Variants in SLX4IP observed in about 807,000 individuals in gnomAD.
SLX4IP encodes SLX4 interacting protein.
In SLX4IP, 34 loss-of-function variants were observed where a neutral mutation model predicts 32.9. That is an observed-to-expected ratio of 1.03 (90% CI 0.79 to 1.38). The LOEUF (loss-of-function observed/expected upper bound fraction) is 1.38, where lower values mean the gene tolerates loss of function less well. Ranked by LOEUF, SLX4IP falls within the 40% of genes most tolerant of loss-of-function variation. The probability of loss-of-function intolerance (pLI) is 0.00; values close to 1 mark genes in which losing one functional copy is unlikely to be tolerated. For synonymous variants in SLX4IP, 172 were observed against 171.7 expected, an observed-to-expected ratio of 1.00 and a Z score of -0.01; for missense variants, 444 against 479.0, an observed-to-expected ratio of 0.93 and a Z score of 0.68.
chr20:10,620,349 A>G (rs1301935989), intron 6 of SLX4IP, among the ~76,000 whole-genome samples: 2 of 152,202 alleles, frequency 1.3e-5, no homozygotes, highest in Non-Finnish European at 2.9e-5. Flanking sequence ...AGGCTTTTAC[A>G]TTTTATAATT....
intron 2 of SLX4IP, among the ~76,000 whole-genome samples, chr20:10,553,813 T>C (rs1253007717): frequency 1.3e-5 from 2 of 152,210 alleles, no homozygotes; most frequent in Non-Finnish European, 2.9e-5. Flanking sequence ...TGCAACACAC[T>C]AAACTGTAAC....
Position 10,569,352 on chromosome 20 carries a change from A to AT in SLX4IP, c.238+8537dup, listed in dbSNP as rs2066434587. On this transcript the variant is annotated intron_variant, in intron 4 of 7. Coordinates refer to ENST00000334534, the MANE Select transcript of SLX4IP (RefSeq NM_001009608.3). The stretch of plus-strand genomic sequence containing the variant: ...AGGTGCGTGCCACCACACCCAGCTA[A>AT]TTTTTATATTTTTAGTAGAGATGGG... Among the ~76,000 whole-genome samples the AT allele has an allele frequency of 2.0e-5, 3 of 152,004 alleles. No homozygotes were observed. In the South Asian group the frequency reaches 6.2e-4, roughly 32 times the overall value.
intron 2 of SLX4IP, among the ~76,000 whole-genome samples, chr20:10,463,717 T>C (rs11697131): frequency 0.49 from 74,905 of 152,064 alleles, 19,936 homozygotes; most frequent in Non-Finnish European, 0.6. Flanking sequence ...CAACCCTCAG[T>C]TCTCAGTAAA....
At chr20:10,436,272 G>A (rs1362122715) in intron 1 of SLX4IP, among the ~76,000 whole-genome samples, 1 of 152,176 alleles carries the variant, frequency 6.6e-6, no homozygotes, top group Non-Finnish European at 1.5e-5. Context: ...CCCCAGAGCT[G>A]CTGAATCAGA....
chr20:10,586,093 C>T (rs929924406), intron 4 of SLX4IP, among the ~76,000 whole-genome samples: 1 of 152,186 alleles, frequency 6.6e-6, no homozygotes, highest in Non-Finnish European at 1.5e-5. Flanking sequence ...GACAACCAAG[C>T]CTGTCTCTGA....
intron 2 of SLX4IP, among the ~76,000 whole-genome samples, chr20:10,536,887 T>G (rs965749901): frequency 2.6e-5 from 4 of 152,218 alleles, no homozygotes; most frequent in Non-Finnish European, 5.9e-5. Context: ...TTTCCCACAG[T>G]TGGGCCACTT....
chr20:10,509,244 A>G (rs181328758), intron 2 of SLX4IP, among the ~76,000 whole-genome samples: 58 of 152,284 alleles, frequency 3.8e-4, no homozygotes, highest in African/African-American at 6.7e-4. Flanking sequence ...GGGTCTTTCA[A>G]TTATTTCTGT....
intron 2 of SLX4IP, among the ~76,000 whole-genome samples, chr20:10,536,597 G>T (rs187182322): frequency 3.4e-4 from 52 of 152,304 alleles, no homozygotes; most frequent in African/African-American, 1.1e-3. Context: ...TACCTTGGCT[G>T]CAGGTAACTT....
intron 2 of SLX4IP, among the ~76,000 whole-genome samples, chr20:10,487,216 T>C (rs763781097): frequency 3.9e-5 from 6 of 152,224 alleles, no homozygotes; most frequent in African/African-American, 9.6e-5. Flanking sequence ...GGAACTGTGA[T>C]ACTTGTTAGA....
intron 2 of SLX4IP, among the ~76,000 whole-genome samples, chr20:10,486,202 T>TA (rs2065572343): frequency 6.9e-6 from 1 of 145,452 alleles, no homozygotes; most frequent in African/African-American, 2.5e-5. Context: ...TTTTTTTTTT[T>TA]ACTAGGTAGG....
At chr20:10,521,397 C>T (rs2065899953) in intron 2 of SLX4IP, among the ~76,000 whole-genome samples, 2 of 152,124 alleles carry the variant, frequency 1.3e-5, no homozygotes, top group African/African-American at 2.4e-5. Flanking sequence ...CTTTTAGGAG[C>T]TCCCATCACC....
At chr20:10,512,035 A>G (rs758233595) in intron 2 of SLX4IP, among the ~76,000 whole-genome samples, 14 of 152,212 alleles carry the variant, frequency 9.2e-5, no homozygotes, top group Non-Finnish European at 1.9e-4. Flanking sequence ...TGAGTCTAGA[A>G]CAGGGGTTGG....
chr20:10,535,565 ACCT>A (rs1458098980), intron 2 of SLX4IP, among the ~76,000 whole-genome samples: 2 of 151,932 alleles, frequency 1.3e-5, no homozygotes, highest in African/African-American at 4.8e-5. Flanking sequence ...CAGGTGATCC[ACCT>A]CCTCGGCCTC....
rs1239116831 is a variant in SLX4IP at position 10,623,415 on chromosome 20, T to C, written c.*36T>C. 1 of 1,563,514 alleles carries C rather than the reference T, an allele frequency of 6.4e-7. No homozygotes were observed. The highest frequency in any genetic ancestry group is 8.6e-7 in the Non-Finnish European group (1 of 1,158,124). ...GTTTGTACCGTTGGAGTTGAGGACATAGTGGCCAAACCTGTGACAAGAGAG... is the reference window on the plus strand; with the variant it reads ...GTTTGTACCGTTGGAGTTGAGGACACAGTGGCCAAACCTGTGACAAGAGAG... On this transcript the variant is annotated 3_prime_UTR_variant, in exon 8 of 8. Transcript: ENST00000334534.
At position 10,580,822 on chromosome 20, in the gene SLX4IP, A is replaced by T. The variant is rs533766768; in HGVS notation, c.239-17853A>T. On this transcript the variant is annotated intron_variant, in intron 4 of 7. Transcript: ENST00000334534. ...CTCCTCTACTGAAATCATTTTCAAGATTAAGAAAGAGTAAAATCCCTTTTT... is the reference window on the plus strand; with the variant it reads ...CTCCTCTACTGAAATCATTTTCAAGTTTAAGAAAGAGTAAAATCCCTTTTT... Among the ~76,000 whole-genome samples, 3 of 152,254 alleles carry T rather than the reference A, an allele frequency of 2.0e-5. No homozygotes were observed. The South Asian group carries it at 6.2e-4, about 32-fold the overall frequency.
At chr20:10,508,361 T>C (rs1211003114) in intron 2 of SLX4IP, among the ~76,000 whole-genome samples, 1 of 152,236 alleles carries the variant, frequency 6.6e-6, no homozygotes, top group African/African-American at 2.4e-5. Context: ...CTGGGTCAGT[T>C]TGTCCTTGCC....
chr20:10,515,360 C>T (rs2065841304), intron 2 of SLX4IP, among the ~76,000 whole-genome samples: 1 of 152,182 alleles, frequency 6.6e-6, no homozygotes, highest in African/African-American at 2.4e-5. Flanking sequence ...GCTGGGATTA[C>T]AGGCATGAGC....
intron 2 of SLX4IP, among the ~76,000 whole-genome samples, chr20:10,552,488 AC>A (rs2066227410): frequency 6.6e-6 from 1 of 151,458 alleles, no homozygotes; most frequent in East Asian, 1.9e-4. Flanking sequence ...AAGGCAGAAT[AC>A]CTCTGCCTAG....
At chr20:10,536,450 G>A (rs1236787033) in intron 2 of SLX4IP, among the ~76,000 whole-genome samples, 3 of 152,074 alleles carry the variant, frequency 2.0e-5, no homozygotes, top group Admixed American at 1.3e-4. Context: ...ATATTGCAAC[G>A]GTTTGATCTC....
Sources: gnomAD v4.1 joint callset for allele counts (sites outside exome capture counted in the v4.1 genomes callset) on GRCh38, gnomAD v4.1.1 for gene constraint, MANE v1.5 for transcripts, NCBI Gene and HGNC (gene_info 2026-07-23, HGNC 2026-07-21) for gene names.